The following GTF2IRD1 variants were observed in gnomAD, a reference collection of about 807,000 sequenced individuals.
The protein encoded by GTF2IRD1 is GTF2I repeat domain containing 1.
A neutral mutation model predicts 113.2 loss-of-function variants in GTF2IRD1; 26 were observed. That is an observed-to-expected ratio of 0.23 (90% CI 0.17 to 0.32). The LOEUF (loss-of-function observed/expected upper bound fraction) is 0.32, where lower values mean the gene tolerates loss of function less well. Among genes scored for constraint, GTF2IRD1 ranks in the 10% least tolerant of loss-of-function variants. The probability of loss-of-function intolerance (pLI) is 1.00; values close to 1 mark genes in which losing one functional copy is unlikely to be tolerated. For missense variants in GTF2IRD1, 864 were observed against 1,280.8 expected (o/e 0.67, Z 4.97); for synonymous variants, 484 against 529.1 (o/e 0.91, Z 1.17).
chr7:74,540,023 A>G, intron 14 of GTF2IRD1, 55 bp downstream of exon 14: 3 of 1,339,062 alleles, frequency 2.2e-6, no homozygotes, highest in Non-Finnish European at 3.2e-6. Flanking sequence ...CAGGGAGCAA[A>G]GGGAAAGGGG....
At chr7:74,598,482 G>A (rs1207189912) in intron 25 of GTF2IRD1, among the ~76,000 whole-genome samples, 1 of 151,948 alleles carries the variant, frequency 6.6e-6, no homozygotes, top group Non-Finnish European at 1.5e-5. Context: ...CGGGGGTGGT[G>A]GTGGGCGCCT....
intron 1 of GTF2IRD1, among the ~76,000 whole-genome samples, chr7:74,465,285 C>T (rs1793640132): frequency 6.6e-6 from 1 of 152,170 alleles, no homozygotes; most frequent in Non-Finnish European, 1.5e-5. Flanking sequence ...TGCCCCGGGC[C>T]ACCAGCTCCC....
At chr7:74,543,866 T>C in intron 14 of GTF2IRD1, among the ~76,000 whole-genome samples, 1 of 119,132 alleles carries the variant, frequency 8.4e-6, no homozygotes, top group African/African-American at 3.4e-5. Context: ...CAAGACCCCA[T>C]CTCTACAAAA....
At chr7:74,557,866 G>C in intron 20 of GTF2IRD1, 144 bp downstream of exon 20, 1 of 604,714 alleles carries the variant, frequency 1.7e-6, no homozygotes. Context: ...TACGTGCCAG[G>C]CACTGTCTCA....
At chr7:74,568,163 G>T (rs1800441648) in intron 22 of GTF2IRD1, among the ~76,000 whole-genome samples, 1 of 151,796 alleles carries the variant, frequency 6.6e-6, no homozygotes, top group Admixed American at 6.6e-5. Context: ...TGAGCTGTGG[G>T]AGAGGAAGGA....
At chr7:74,462,678 G>A (rs1554329676) in intron 1 of GTF2IRD1, among the ~76,000 whole-genome samples, 2 of 152,180 alleles carry the variant, frequency 1.3e-5, no homozygotes, top group Admixed American at 6.5e-5. Flanking sequence ...GGCACCATCT[G>A]GCTGGCGGGG....
chr7:74,524,274 C>G (rs1429726040), intron 8 of GTF2IRD1, 120 bp downstream of exon 8: 27 of 642,176 alleles, frequency 4.2e-5, no homozygotes, highest in Non-Finnish European at 6.6e-5. Context: ...TCCCGCGCGC[C>G]GGCACCGCTA....
chr7:74,600,868 G>T, intron 25 of GTF2IRD1, 176 bp from the exon 26 acceptor site: 1 of 646,688 alleles, frequency 1.5e-6, no homozygotes. Context: ...CTTTGGGAAG[G>T]AGGCTGGACA....
At chr7:74,503,048 T>C (rs1353756504) in intron 1 of GTF2IRD1, among the ~76,000 whole-genome samples, 1 of 151,840 alleles carries the variant, frequency 6.6e-6, no homozygotes, top group African/African-American at 2.4e-5. Flanking sequence ...ACGCTTGTAA[T>C]CGCAGCTACT....
rs1364283885 is a variant in GTF2IRD1, at chr7:74,578,676, A to G, written c.2321-11175A>G. Among the ~76,000 whole-genome samples, 3 of 152,118 alleles carry G rather than the reference A, an allele frequency of 2.0e-5. No homozygotes were observed. In the East Asian group the frequency reaches 5.8e-4, roughly 29 times the overall value. On this transcript the variant is annotated intron_variant, in intron 22 of 26. Coordinates refer to ENST00000424337, the MANE Select transcript of GTF2IRD1 (RefSeq NM_005685.4). ...CCTCCTTGGGGATTGGGCTGCTTCC[A>G]TTGTTTTGCTGTTACTAAGAATGCA...
rs145819337 is a variant in GTF2IRD1, at chr7:74,469,592, G to A, written c.-7+15416G>A. Among the ~76,000 whole-genome samples, 3 of 152,316 alleles carry A rather than the reference G, an allele frequency of 2.0e-5. No homozygotes were observed. In the East Asian group the frequency reaches 5.8e-4, roughly 29 times the overall value. On this transcript the variant is annotated intron_variant, in intron 1 of 26. Coordinates refer to ENST00000424337, the MANE Select transcript of GTF2IRD1 (RefSeq NM_005685.4). ...AATGTGTTCAAGGTTCATCCACATT[G>A]TAGCGTGAGTCAATGTGCCTTTCTT...
At chr7:74,569,141 A>G (rs1464531356) in intron 22 of GTF2IRD1, among the ~76,000 whole-genome samples, 2 of 152,214 alleles carry the variant, frequency 1.3e-5, no homozygotes, top group East Asian at 1.9e-4. Context: ...CCTGCCACAC[A>G]TCGGGGGGTC....
chr7:74,485,414 G>A (rs1794965296), intron 1 of GTF2IRD1, among the ~76,000 whole-genome samples: 1 of 150,968 alleles, frequency 6.6e-6, no homozygotes, highest in African/African-American at 2.4e-5. Context: ...TCAGGAGATC[G>A]AGACCATCCT....
In GTF2IRD1 at chr7:74,575,044, T is replaced by C. The variant is rs191761061; in HGVS notation, c.2321-14807T>C. On this transcript the variant is annotated intron_variant, in intron 22 of 26. Transcript: ENST00000424337. The stretch of plus-strand genomic sequence containing the variant: ...GGTGGAAGTTGCAGTGAGCCGAGAT[T>C]GCGCCATTGCGCTCCAGCTTGGGCA... Among the ~76,000 whole-genome samples, 65 of 152,154 alleles carry C rather than the reference T, an allele frequency of 4.3e-4. No individual in the cohort carries two copies. In the East Asian group the frequency reaches 0.012, roughly 28 times the overall value.
intron 22 of GTF2IRD1, among the ~76,000 whole-genome samples, chr7:74,562,555 C>CTTTTTTTTTTTTTT (rs1167468655): frequency 3.2e-5 from 2 of 62,702 alleles, no homozygotes; most frequent in African/African-American, 1.6e-4. Flanking sequence ...CAATTGCCCT[C>CTTTTTTTTTTTTTT]TTTTTTTTTT....
At chr7:74,575,842 G>GGA (rs1801013371) in intron 22 of GTF2IRD1, among the ~76,000 whole-genome samples, 1 of 152,132 alleles carries the variant, frequency 6.6e-6, no homozygotes, top group Non-Finnish European at 1.5e-5. Context: ...CCAGGCTTGA[G>GGA]ATATGATTTG....
intron 14 of GTF2IRD1, among the ~76,000 whole-genome samples, chr7:74,541,550 C>T (rs1798636724): frequency 6.6e-6 from 1 of 151,966 alleles, no homozygotes; most frequent in African/African-American, 2.4e-5. Context: ...TGATTGAGCC[C>T]AGGAGGTTGA....
chr7:74,527,848 A>G (rs1299564502), intron 8 of GTF2IRD1, among the ~76,000 whole-genome samples: 1 of 152,222 alleles, frequency 6.6e-6, no homozygotes, highest in Non-Finnish European at 1.5e-5. Flanking sequence ...CAGGGAAAAA[A>G]AAAAAGTATT....
intron 1 of GTF2IRD1, among the ~76,000 whole-genome samples, chr7:74,455,028 C>T (rs1394261109): frequency 6.6e-6 from 1 of 152,176 alleles, no homozygotes; most frequent in Non-Finnish European, 1.5e-5. Flanking sequence ...AAGGGGGCCG[C>T]TGTGCCGCTG....
Sources: allele counts gnomAD v4.1 joint callset (sites outside exome capture counted in the v4.1 genomes callset), GRCh38; gene constraint gnomAD v4.1.1; transcripts MANE v1.5; gene names NCBI Gene and HGNC (gene_info 2026-07-23, HGNC 2026-07-21).